The following ACCSL variants were observed in gnomAD, a reference collection of about 807,000 sequenced individuals.
ACCSL encodes the protein 1-aminocyclopropane-1-carboxylate synthase homolog (inactive) like, also known as probable inactive 1-aminocyclopropane-1-carboxylate synthase-like protein 2.
Under a neutral mutation model 61.7 loss-of-function variants are expected in ACCSL, and 55 were observed. The observed-to-expected ratio is 0.89, with a 90% CI of 0.72 to 1.12. The LOEUF is 1.12. Among genes scored for constraint, ACCSL ranks in the 50% most tolerant of loss-of-function variants. The pLI is 0.00. For synonymous variants in ACCSL, 258 were observed against 264.3 expected (o/e 0.98, Z 0.23); for missense variants, 632 against 698.0 (o/e 0.91, Z 1.07).
the ACCSL span, among the ~76,000 whole-genome samples, chr11:44,012,187 A>G: frequency 2.6e-5 from 4 of 151,982 alleles, no homozygotes; most frequent in Admixed American, 6.6e-5. Flanking sequence ...GTTCCCATTT[A>G]TGCCCACTTT....
chr11:44,012,641 T>A, the ACCSL span, among the ~76,000 whole-genome samples: 1 of 152,316 alleles, frequency 6.6e-6, no homozygotes, highest in Middle Eastern at 3.4e-3. Context: ...TTTAAAGACA[T>A]ATACCCTTCA....
chr11:44,031,918 G>A, the ACCSL span, among the ~76,000 whole-genome samples: 1 of 152,078 alleles, frequency 6.6e-6, no homozygotes, highest in African/African-American at 2.4e-5. Context: ...CATGTTTCAC[G>A]GCCACCACAT....
At chr11:44,051,863 G>T in intron 5 of ACCSL, 144 bp downstream of exon 5, 1 of 899,610 alleles carries the variant, frequency 1.1e-6, no homozygotes, top group South Asian at 1.5e-5. Flanking sequence ...ACACTGACTA[G>T]GTTATCTTCC....
At chr11:43,950,316 G>A in the ACCSL span, among the ~76,000 whole-genome samples, 1 of 152,214 alleles carries the variant, frequency 6.6e-6, no homozygotes, top group Non-Finnish European at 1.5e-5. Flanking sequence ...TCACGGGCAT[G>A]TCCTTAACCT....
chr11:43,936,029 C>T, the ACCSL span, among the ~76,000 whole-genome samples: 2 of 152,188 alleles, frequency 1.3e-5, no homozygotes, highest in East Asian at 1.9e-4. Context: ...GGCAGGTCCC[C>T]AGTACCTAAT....
the ACCSL span, among the ~76,000 whole-genome samples, chr11:43,966,052 A>G: frequency 5.1e-4 from 78 of 152,294 alleles, no homozygotes; most frequent in African/African-American, 1.7e-3. Context: ...GGATTTGTCA[A>G]TGGTTTCTTA....
At chr11:43,926,444 A>G in the ACCSL span, 1 of 452,948 alleles carries the variant, frequency 2.2e-6, no homozygotes, top group Non-Finnish European at 4.4e-6. Context: ...CCACTTTCAA[A>G]CTCTGTACAG....
chr11:44,038,682 C>T, the ACCSL span, among the ~76,000 whole-genome samples: 1 of 150,922 alleles, frequency 6.6e-6, no homozygotes, highest in African/African-American at 2.5e-5. Flanking sequence ...CTGATTATTC[C>T]AAAGCTCTAT....
chr11:44,019,010 G>A, the ACCSL span, among the ~76,000 whole-genome samples: 1 of 152,134 alleles, frequency 6.6e-6, no homozygotes, highest in African/African-American at 2.4e-5. Flanking sequence ...CTGTCTGTAT[G>A]AATTTGACTC....
chr11:44,042,641 G>GT, the ACCSL span, among the ~76,000 whole-genome samples: 1 of 116,804 alleles, frequency 8.6e-6, no homozygotes, highest in Non-Finnish European at 1.7e-5. Context: ...TTTTTTGTTT[G>GT]TTTTGTTTGT....
chr11:44,047,252 G>T (rs564915194), upstream of ACCSL, among the ~76,000 whole-genome samples: 42 of 152,296 alleles, frequency 2.8e-4, no homozygotes, highest in African/African-American at 8.9e-4. Flanking sequence ...AGCTGTCACA[G>T]TGAGTAGGTG....
chr11:43,946,643 C>T, the ACCSL span, among the ~76,000 whole-genome samples: 8 of 152,220 alleles, frequency 5.3e-5, no homozygotes, highest in Non-Finnish European at 1.0e-4. Context: ...CATCGATCCA[C>T]ATCATAGCTT....
chr11:43,934,464 CCA>C, the ACCSL span, among the ~76,000 whole-genome samples: 19 of 152,222 alleles, frequency 1.2e-4, no homozygotes, highest in African/African-American at 2.2e-4. Context: ...CATTTGCATT[CCA>C]CACACACACG....
At chr11:43,936,468 GGGGC>G in the ACCSL span, among the ~76,000 whole-genome samples, 1 of 151,368 alleles carries the variant, frequency 6.6e-6, no homozygotes, top group African/African-American at 2.4e-5. Flanking sequence ...CTGGCACCCA[GGGGC>G]ATTGCTTCTA....
At chr11:44,035,937 A>G in the ACCSL span, among the ~76,000 whole-genome samples, 1 of 78,276 alleles carries the variant, frequency 1.3e-5, no homozygotes, top group Non-Finnish European at 2.7e-5. Context: ...GACTCTGTGT[A>G]AAAAAAAAAA....
chr11:43,923,956 GCTCT>G, the ACCSL span, among the ~76,000 whole-genome samples: 15 of 152,168 alleles, frequency 9.9e-5, no homozygotes, highest in African/African-American at 4.8e-5. Context: ...GTGATGTCAC[GCTCT>G]CTCAGCACAA....
chr11:43,925,417 A>G, the ACCSL span: 302,357 of 455,848 alleles, frequency 0.66, 102,436 homozygotes, highest in East Asian at 0.91. Flanking sequence ...GATCGTCTCC[A>G]CGCTGCACCA....
At chr11:44,000,826 A>C in the ACCSL span, among the ~76,000 whole-genome samples, 3 of 152,338 alleles carry the variant, frequency 2.0e-5, no homozygotes, top group South Asian at 6.2e-4. Context: ...ATGCCATTTT[A>C]TATCAGGGAT....
rs1472658641 is a variant in ACCSL at position 44,059,918 on chromosome 11, T to C, written c.1705T>C (p.Ter569GlnextTer?). The C allele has an allele frequency of 5.6e-6, 9 of 1,613,232 alleles. No homozygotes were observed. The highest frequency in any genetic ancestry group is 7.6e-6 in the Non-Finnish European group (9 of 1,179,548). The change falls in exon 14 of 14, where the codon TAG becomes CAG. Residue 569 changes from the stop codon to glutamine, a stop_lost. Coordinates refer to ENST00000378832, the MANE Select transcript of ACCSL (RefSeq NM_001031854.2). ...GCAGTTGGAGGATGCAATGAGGGAG[T>C]AGGCCGTCTGCCTCCCAACCAGCAG... Reference protein sequence around the residue: ...VKQLEDAMRE* With the variant: ...VKQLEDAMREQ
Sources: allele counts gnomAD v4.1 joint callset (sites outside exome capture counted in the v4.1 genomes callset), GRCh38; gene constraint gnomAD v4.1.1; transcripts MANE v1.5; gene names NCBI Gene and HGNC (gene_info 2026-07-23, HGNC 2026-07-21).